The following LINGO2 variants were observed in gnomAD, a reference collection of about 807,000 sequenced individuals.
LINGO2 encodes the protein leucine-rich repeat and immunoglobulin-like domain-containing nogo receptor-interacting protein 2.
LINGO2 carries 14 observed loss-of-function variants against 30.6 expected under a neutral mutation model. That is an observed-to-expected ratio of 0.46 (90% CI 0.30 to 0.72). The LOEUF (loss-of-function observed/expected upper bound fraction) is 0.72, where lower values mean the gene tolerates loss of function less well. Ranked by LOEUF, LINGO2 falls within the 30% of genes least tolerant of loss-of-function variation. The probability of loss-of-function intolerance (pLI) is 0.07; values close to 1 mark genes in which losing one functional copy is unlikely to be tolerated. For missense variants in LINGO2, 729 were observed against 751.7 expected (o/e 0.97, Z 0.35); for synonymous variants, 317 against 288.5 (o/e 1.10, Z -1.00).
intron 1 of LINGO2, among the ~76,000 whole-genome samples, chr9:28,540,399 T>G (rs996923624): frequency 6.6e-6 from 1 of 151,918 alleles, no homozygotes; most frequent in African/African-American, 2.4e-5. Context: ...TAGCTGGGAC[T>G]ACAGGAAGGT....
chr9:28,516,831 C>T (rs550216714), intron 1 of LINGO2, among the ~76,000 whole-genome samples: 32 of 152,274 alleles, frequency 2.1e-4, no homozygotes, highest in South Asian at 1.7e-3. Context: ...CATAGATACA[C>T]TCTTCCTGTG....
chr9:29,014,189 G>A, the LINGO2 span, among the ~76,000 whole-genome samples: 1 of 152,052 alleles, frequency 6.6e-6, no homozygotes. Context: ...AAAATGCATT[G>A]CAGCTCAATC....
At chr9:28,748,576 A>C in the LINGO2 span, among the ~76,000 whole-genome samples, 2 of 151,996 alleles carry the variant, frequency 1.3e-5, no homozygotes, top group Non-Finnish European at 2.9e-5. Flanking sequence ...GCTTTCCGGA[A>C]TACATTGTTC....
In LINGO2 at chr9:28,148,995, C is replaced by G; in HGVS notation, c.-86-136590G>C. 6.5e-7 allele frequency: 1 copy of G among 1,534,282 alleles called. No individual in the cohort carries two copies. ...GGGCCACCGCTGCAGCTGCAACCGA[C>G]CCCTCCCCTGCAACTGAGGTGGGAT... On this transcript the variant is annotated intron_variant, in intron 4 of 5. Coordinates refer to ENST00000379992, the Ensembl canonical transcript of LINGO2. This position sits in a 1 kb window ranked among gnomAD's most constrained non-coding sequence, Gnocchi z 5.1.
intron 1 of LINGO2, among the ~76,000 whole-genome samples, chr9:28,530,946 C>T (rs1821211620): frequency 6.6e-6 from 1 of 151,216 alleles, no homozygotes; most frequent in Non-Finnish European, 1.5e-5. Flanking sequence ...GATGCACCGT[C>T]ACTAGGACTG....
intron 3 of LINGO2, among the ~76,000 whole-genome samples, chr9:28,331,615 C>T (rs1411490243): frequency 6.6e-6 from 1 of 152,178 alleles, no homozygotes; most frequent in Admixed American, 6.5e-5. Flanking sequence ...TGGTGATCCT[C>T]CAGCCTTAGT....
chr9:28,782,093 C>T, the LINGO2 span, among the ~76,000 whole-genome samples: 3 of 152,172 alleles, frequency 2.0e-5, no homozygotes, highest in African/African-American at 7.2e-5. Context: ...ACTACTCATA[C>T]ACCATTACTT....
At chr9:28,189,126 C>A (rs1282335323) in intron 4 of LINGO2, among the ~76,000 whole-genome samples, 1 of 151,848 alleles carries the variant, frequency 6.6e-6, no homozygotes, top group African/African-American at 2.4e-5. Flanking sequence ...GAACAAAGTT[C>A]CTGAGGTTAG....
At chr9:28,570,389 T>C (rs1823626725) in intron 1 of LINGO2, among the ~76,000 whole-genome samples, 1 of 151,834 alleles carries the variant, frequency 6.6e-6, no homozygotes, top group Non-Finnish European at 1.5e-5. Flanking sequence ...AGAGCTACAG[T>C]ATGAGAAAGA....
At chr9:27,970,569 G>A (rs957320761) in intron 5 of LINGO2, among the ~76,000 whole-genome samples, 1 of 152,130 alleles carries the variant, frequency 6.6e-6, no homozygotes, top group Non-Finnish European at 1.5e-5. Flanking sequence ...TTAACCCTGA[G>A]TAAACATTGA....
intron 2 of LINGO2, among the ~76,000 whole-genome samples, chr9:28,392,962 G>C (rs906142685): frequency 6.6e-6 from 1 of 152,202 alleles, no homozygotes; most frequent in Non-Finnish European, 1.5e-5. Flanking sequence ...GCTATGAATG[G>C]TGCTGAGGGA....
chr9:29,089,908 T>A, the LINGO2 span, among the ~76,000 whole-genome samples: 1 of 152,108 alleles, frequency 6.6e-6, no homozygotes, highest in Non-Finnish European at 1.5e-5. Flanking sequence ...TGTTGACTGC[T>A]ATATCTACAT....
rs768773764 is a variant in LINGO2, at chr9:28,171,181, CA to C, written c.-87+124026del. Among the ~76,000 whole-genome samples, 12 of 152,008 alleles carry C rather than the reference CA, an allele frequency of 7.9e-5. No individual in the cohort carries two copies. In the East Asian group the frequency reaches 1.8e-3, roughly 22 times the overall value. On this transcript the variant is annotated intron_variant, in intron 4 of 5. Transcript: ENST00000379992. Reference sequence around the variant, plus strand: ...AGCAGCATGACCATAATCTCTACCACAATAAATGAAAACCGACTGCAACATG... The same window carrying C: ...AGCAGCATGACCATAATCTCTACCACATAAATGAAAACCGACTGCAACATG...
chr9:28,142,787 G>C (rs893140974), intron 4 of LINGO2, among the ~76,000 whole-genome samples: 9 of 152,028 alleles, frequency 5.9e-5, no homozygotes, highest in African/African-American at 2.2e-4. Flanking sequence ...TAATTTCATT[G>C]ATCTGGCTCC....
the LINGO2 span, among the ~76,000 whole-genome samples, chr9:28,843,011 T>C: frequency 6.6e-6 from 1 of 151,844 alleles, no homozygotes; most frequent in Non-Finnish European, 1.5e-5. Context: ...GGGTGATTTT[T>C]TTAAAGGAAC....
chr9:28,947,201 G>A, the LINGO2 span, among the ~76,000 whole-genome samples: 1 of 151,856 alleles, frequency 6.6e-6, no homozygotes, highest in Non-Finnish European at 1.5e-5. Flanking sequence ...AGATATAGAA[G>A]CTTCAATTTC....
the LINGO2 span, among the ~76,000 whole-genome samples, chr9:28,933,694 A>C: frequency 5.9e-5 from 9 of 152,282 alleles, no homozygotes; most frequent in South Asian, 1.9e-3. Flanking sequence ...AGATGCTGCA[A>C]AACCCACAAA....
chr9:29,099,882 A>ATATTGAAAT, the LINGO2 span, among the ~76,000 whole-genome samples: 1 of 152,198 alleles, frequency 6.6e-6, no homozygotes, highest in African/African-American at 2.4e-5. Flanking sequence ...ACTGCTAGGT[A>ATATTGAAAT]TATACGCCAA....
At chr9:28,046,591 G>C (rs1406519575) in intron 4 of LINGO2, among the ~76,000 whole-genome samples, 1 of 152,042 alleles carries the variant, frequency 6.6e-6, no homozygotes, top group Non-Finnish European at 1.5e-5. Context: ...TTTTACTGTT[G>C]GACTGGCTAA....
Sources: gnomAD v4.1 joint callset for allele counts (sites outside exome capture counted in the v4.1 genomes callset) on GRCh38, gnomAD v4.1.1 for gene constraint, Gnocchi (gnomAD v3.1) non-coding constraint, MANE v1.5 for transcripts, NCBI Gene and HGNC (gene_info 2026-07-23, HGNC 2026-07-21) for gene names.